The following HTR5A variants were observed in gnomAD, a reference collection of about 807,000 sequenced individuals.
HTR5A encodes the protein 5-hydroxytryptamine receptor 5A.
Under a neutral mutation model 24.3 loss-of-function variants are expected in HTR5A, and 21 were observed. The ratio of observed to expected loss-of-function variants is 0.86; its 90% CI spans 0.61 to 1.24. The LOEUF is 1.24. HTR5A is among the 50% of genes most tolerant of loss of function. The pLI is 0.00. For missense variants in HTR5A, 497 were observed against 489.5 expected (o/e 1.02, Z -0.15); for synonymous variants, 260 against 213.7 (o/e 1.22, Z -1.89).
intron 1 of HTR5A, among the ~76,000 whole-genome samples, chr7:155,078,360 A>G (rs1283542322): frequency 6.6e-6 from 1 of 152,232 alleles, no homozygotes; most frequent in Non-Finnish European, 1.5e-5. Context: ...ACAAGACTAT[A>G]CTTCAGCTGT....
intron 1 of HTR5A, among the ~76,000 whole-genome samples, chr7:155,082,540 A>G (rs1795429876): frequency 6.6e-6 from 1 of 152,186 alleles, no homozygotes; most frequent in African/African-American, 2.4e-5. Context: ...CTCAAGTATG[A>G]CCAGTGTTAC....
At chr7:155,083,124 T>C (rs879503182) in intron 1 of HTR5A, among the ~76,000 whole-genome samples, 4 of 152,240 alleles carry the variant, frequency 2.6e-5, no homozygotes, top group African/African-American at 9.6e-5. Flanking sequence ...ACTTTATAAA[T>C]GCTGCCAAGA....
At chr7:155,076,523 G>A (rs1160843576) in intron 1 of HTR5A, among the ~76,000 whole-genome samples, 1 of 151,962 alleles carries the variant, frequency 6.6e-6, no homozygotes, top group Non-Finnish European at 1.5e-5. Flanking sequence ...ACATGGTATT[G>A]TTATTTTTGT....
rs980110415 is a variant in HTR5A at position 155,087,022 on chromosome 7, T to A, written c.*2535T>A. On this transcript the variant is annotated 3_prime_UTR_variant, in exon 2 of 2. Coordinates refer to ENST00000287907, the MANE Select transcript of HTR5A (RefSeq NM_024012.4). ...TCCAAAGCCCTCCTTTCAGCTCTTGTAGAATATGTCGAACAAAACGCACAG... is the reference window on the plus strand; with the variant it reads ...TCCAAAGCCCTCCTTTCAGCTCTTGAAGAATATGTCGAACAAAACGCACAG... Among the ~76,000 whole-genome samples the A allele has an allele frequency of 6.6e-6, 1 of 152,150 alleles. No homozygotes were observed. The highest frequency in any genetic ancestry group is 2.4e-5 in the African/African-American group (1 of 41,434).
intron 1 of HTR5A, among the ~76,000 whole-genome samples, 177 bp downstream of exon 1, chr7:155,071,817 T>C (rs1795299027): frequency 6.6e-6 from 1 of 152,180 alleles, no homozygotes; most frequent in Non-Finnish European, 1.5e-5. Context: ...TCTGACATGT[T>C]CCCTCTCACA....
At position 155,080,279 on chromosome 7, in the gene HTR5A, G is replaced by C. The variant is rs114676150; in HGVS notation, c.742-3876G>C. ...TAAGACAATTACCTAATGGTAGATAGGTAGATCTCTCAATCAAAGATCTAG... is the reference window on the plus strand; with the variant it reads ...TAAGACAATTACCTAATGGTAGATACGTAGATCTCTCAATCAAAGATCTAG... On this transcript the variant is annotated intron_variant, in intron 1 of 1. Coordinates refer to ENST00000287907, the MANE Select transcript of HTR5A (RefSeq NM_024012.4). Among the ~76,000 whole-genome samples, 1,024 of 152,328 alleles carry C rather than the reference G, an allele frequency of 6.7e-3. 14 individuals carry two copies. The highest frequency in any genetic ancestry group is 0.023 in the African/African-American group (964 of 41,576).
chr7:155,071,822 C>T (rs552754558), intron 1 of HTR5A, among the ~76,000 whole-genome samples, 182 bp downstream of exon 1: 7 of 152,320 alleles, frequency 4.6e-5, no homozygotes, highest in Non-Finnish European at 1.0e-4. Flanking sequence ...CATGTTCCCT[C>T]TCACAGGGCT....
rs2241860 is a variant in HTR5A at position 155,071,715 on chromosome 7, C to T, written c.741+75C>T. 0.012 allele frequency: 17,031 copies of T among 1,467,556 alleles called. 894 individuals carry two copies. The East Asian group carries it at 0.15, about 13-fold the overall frequency. The allele number at this position is 1,467,556 out of a possible 1,614,324, so 90.9% of individuals were successfully genotyped here. ...CTATATCCCCAGGCCACCTGCCCCA[C>T]CCCCACACTTGTAGAAAATGGAACT... On this transcript the variant is annotated intron_variant, in intron 1 of 1. Coordinates refer to ENST00000287907, the MANE Select transcript of HTR5A (RefSeq NM_024012.4).
At chr7:155,071,957 A>G (rs1270132261) in intron 1 of HTR5A, among the ~76,000 whole-genome samples, 3 of 152,184 alleles carry the variant, frequency 2.0e-5, no homozygotes, top group African/African-American at 4.8e-5. Context: ...AACACCCTTT[A>G]GAACATCTGA....
chr7:155,073,888 T>TATAC, intron 1 of HTR5A, among the ~76,000 whole-genome samples: 2 of 7,092 alleles, frequency 2.8e-4, no homozygotes, highest in African/African-American at 3.2e-4. Context: ...TATATATATA[T>TATAC]GTATATATAT....
rs779461760 is a variant in HTR5A at position 155,071,347 on chromosome 7, A to T, written c.448A>T (p.Thr150Ser). Residue 150 changes from threonine (T) to serine (S), a missense_variant, in exon 1 of 2, where the codon ACG becomes TCG. By Grantham distance (58) the Thr-to-Ser change is moderately conservative (BLOSUM62 1). Coordinates refer to ENST00000287907, the MANE Select transcript of HTR5A (RefSeq NM_024012.4). Reference protein sequence around the residue: ...YWSITRHMEYTLRTRKCVSNV... With the variant: ...YWSITRHMEYSLRTRKCVSNV... ...GTCCATCACGCGCCACATGGAATACACGCTCCGCACCCGCAAGTGCGTCTC... is the reference window on the plus strand; with the variant it reads ...GTCCATCACGCGCCACATGGAATACTCGCTCCGCACCCGCAAGTGCGTCTC... The T allele has an allele frequency of 5.0e-6, 8 of 1,613,368 alleles. No individual in the cohort carries two copies. The highest frequency in any genetic ancestry group is 5.9e-6 in the Non-Finnish European group (7 of 1,180,012).
rs764637143 is a variant in HTR5A at position 155,071,330 on chromosome 7, C to T, written c.431C>T (p.Thr144Met). The T allele has an allele frequency of 3.1e-6, 5 of 1,612,682 alleles. No individual in the cohort carries two copies. The highest frequency in any genetic ancestry group is 2.2e-5 in the East Asian group (1 of 44,892). Residue 144 changes from threonine to methionine, a missense_variant, in exon 1 of 2, where the codon ACG (threonine) becomes ATG (methionine). Thr to Met is a moderately conservative substitution (Grantham distance 81). Coordinates refer to ENST00000287907, the MANE Select transcript of HTR5A (RefSeq NM_024012.4). ...GCCCTGGACCGCTACTGGTCCATCA[C>T]GCGCCACATGGAATACACGCTCCGC... ...AIALDRYWSI[T>M]RHMEYTLRTR... is the part of the protein sequence containing the mutation.
intron 1 of HTR5A, among the ~76,000 whole-genome samples, chr7:155,075,317 T>C (rs1795348599): frequency 6.6e-6 from 1 of 152,234 alleles, no homozygotes; most frequent in Non-Finnish European, 1.5e-5. Context: ...AGATGTGATG[T>C]TCACATTGCA....
chr7:155,080,674 C>G (rs1795406415), intron 1 of HTR5A, among the ~76,000 whole-genome samples: 1 of 152,224 alleles, frequency 6.6e-6, no homozygotes, highest in African/African-American at 2.4e-5. Flanking sequence ...GAGCGGAATG[C>G]CCATCATCCA....
rs530505472 is a variant in HTR5A, at chr7:155,086,966, C to T, written c.*2479C>T. ...AGAAGGCTGGAGGGTTTCCTGCAAG[C>T]CCTCTCTGTAGGGTGACTGAGGTGA... On this transcript the variant is annotated 3_prime_UTR_variant, in exon 2 of 2. Coordinates refer to ENST00000287907, the MANE Select transcript of HTR5A (RefSeq NM_024012.4). 6.6e-6 allele frequency among the ~76,000 whole-genome samples: 1 copy of T among 152,260 alleles called. No individual in the cohort carries two copies. Among genetic ancestry groups the T allele is most frequent in the East Asian group, 1.9e-4 (1 of 5,182 alleles).
At position 155,085,858 on chromosome 7, in the gene HTR5A, T is replaced by C. The variant is rs767497958; in HGVS notation, c.*1371T>C. On this transcript the variant is annotated 3_prime_UTR_variant, in exon 2 of 2. Coordinates refer to ENST00000287907, the MANE Select transcript of HTR5A (RefSeq NM_024012.4). ...TATGTGGTCTTGGCTTGAAGTTTAG[T>C]CTTGTCTTTATTGCAAAGACTAGCT... 3.9e-5 allele frequency: 6 copies of C among 152,230 alleles called. No homozygotes were observed. The highest frequency in any genetic ancestry group is 3.9e-4 in the Admixed American group (6 of 15,286). The allele number at this position is 152,230 out of a possible 1,614,324, so 9.4% of individuals were successfully genotyped here.
Position 155,084,465 on chromosome 7 carries a change from ACTT to A in HTR5A, c.1056_1058del (p.Phe353del), listed in dbSNP as rs1352403840. On this transcript the variant is annotated inframe_deletion, in exon 2 of 2. Transcript: ENST00000287907. ...AAGAACTACAACAGCGCCTTCAAGAACTTCTTTTCTAGGCAACACTGAGGGAGA... is the reference window on the plus strand; with the variant it reads ...AAGAACTACAACAGCGCCTTCAAGAACTTTTCTAGGCAACACTGAGGGAGA... The A allele has an allele frequency of 1.9e-6, 3 of 1,612,340 alleles. No individual in the cohort carries two copies. Among genetic ancestry groups the A allele is most frequent in the Non-Finnish European group, 2.5e-6 (3 of 1,178,882 alleles).
Position 155,087,033 on chromosome 7 carries a change from G to A in HTR5A, c.*2546G>A, listed in dbSNP as rs1413170317. Among the ~76,000 whole-genome samples, 2 of 152,118 alleles carry A rather than the reference G, an allele frequency of 1.3e-5. No individual in the cohort carries two copies. The highest frequency in any genetic ancestry group is 3.4e-3 in the Middle Eastern group (1 of 294). On this transcript the variant is annotated 3_prime_UTR_variant, in exon 2 of 2. Coordinates refer to ENST00000287907, the MANE Select transcript of HTR5A (RefSeq NM_024012.4). ...CCTTTCAGCTCTTGTAGAATATGTC[G>A]AACAAAACGCACAGTTCTGCCCTCC...
Position 155,070,356 on chromosome 7 carries a change from G to T in HTR5A, c.-544G>T. ...GCTCTCCGGAGCTGCAGCCTCCGAA[G>T]GGGTGGCGGGGGCAACAGGGACAGA... On this transcript the variant is annotated 5_prime_UTR_variant, in exon 1 of 2. The change creates a new upstream start codon in the 5' untranslated region. Coordinates refer to ENST00000287907, the MANE Select transcript of HTR5A (RefSeq NM_024012.4). 1 of 454,988 alleles carries T rather than the reference G, an allele frequency of 2.2e-6. No individual in the cohort carries two copies. Among genetic ancestry groups the T allele is most frequent in the Non-Finnish European group, 4.4e-6 (1 of 226,454 alleles). 28.2% of individuals were successfully genotyped at this position (454,988 alleles called of 1,614,324 possible).
Sources: gnomAD v4.1 joint callset for allele counts (sites outside exome capture counted in the v4.1 genomes callset) on GRCh38, gnomAD v4.1.1 for gene constraint, MANE v1.5 for transcripts, NCBI Gene and HGNC (gene_info 2026-07-23, HGNC 2026-07-21) for gene names.